HPSE2: variants seen among roughly 807,000 people sequenced by gnomAD.
HPSE2 encodes the protein heparanase 2 (inactive).
HPSE2 carries 38 observed loss-of-function variants against 60.5 expected under a neutral mutation model. The observed-to-expected ratio is 0.63, with a 90% CI of 0.48 to 0.82. The LOEUF (loss-of-function observed/expected upper bound fraction) is 0.82, where lower values mean the gene tolerates loss of function less well. HPSE2 is among the 40% of genes least tolerant of loss of function. The pLI is 0.00. For missense variants in HPSE2, 713 were observed against 740.4 expected (o/e 0.96, Z 0.43); for synonymous variants, 295 against 293.2 (o/e 1.01, Z -0.06).
At chr10:98,781,462 T>A (rs779288567) in intron 3 of HPSE2, among the ~76,000 whole-genome samples, 18 of 152,038 alleles carry the variant, frequency 1.2e-4, no homozygotes, top group Non-Finnish European at 2.2e-4. Context: ...AATAAATGTT[T>A]AAAACTTATA....
chr10:98,686,672 T>C (rs1238511441), intron 6 of HPSE2, among the ~76,000 whole-genome samples: 1 of 152,244 alleles, frequency 6.6e-6, no homozygotes, highest in African/African-American at 2.4e-5. Flanking sequence ...CCCAAGTAGC[T>C]GGGATTACAG....
chr10:99,169,110 G>A (rs984511075), intron 2 of HPSE2, among the ~76,000 whole-genome samples: 1 of 148,308 alleles, frequency 6.7e-6, no homozygotes, highest in African/African-American at 2.5e-5. Context: ...GGAGAATGGC[G>A]TGAACCCAGG....
At chr10:99,207,952 T>C (rs112535220) in intron 2 of HPSE2, among the ~76,000 whole-genome samples, 10 of 150,750 alleles carry the variant, frequency 6.6e-5, no homozygotes, top group Non-Finnish European at 1.5e-4. Flanking sequence ...TTAGGCACAG[T>C]AAGAGATTAA....
intron 4 of HPSE2, among the ~76,000 whole-genome samples, chr10:98,741,432 T>C (rs997585470): frequency 3.9e-5 from 6 of 152,096 alleles, no homozygotes; most frequent in African/African-American, 7.2e-5. Context: ...TTCTGAACTA[T>C]GTAGCACAGT....
At chr10:98,931,931 C>T (rs1427497528) in intron 3 of HPSE2, among the ~76,000 whole-genome samples, 2 of 143,736 alleles carry the variant, frequency 1.4e-5, no homozygotes, top group Non-Finnish European at 3.0e-5. Context: ...AATTTGACTT[C>T]CTCTCTTCCT....
intron 3 of HPSE2, among the ~76,000 whole-genome samples, chr10:98,972,191 T>C (rs1400264602): frequency 6.6e-6 from 1 of 152,136 alleles, no homozygotes; most frequent in East Asian, 1.9e-4. Context: ...TAGGGTTTTT[T>C]CCTAAGTAAA....
At chr10:98,899,447 C>A (rs1163940990) in intron 3 of HPSE2, among the ~76,000 whole-genome samples, 2 of 152,152 alleles carry the variant, frequency 1.3e-5, no homozygotes, top group East Asian at 3.9e-4. Flanking sequence ...ATGATATAAA[C>A]AACCCTTAAA....
At chr10:99,007,070 C>T (rs1956911404) in intron 3 of HPSE2, among the ~76,000 whole-genome samples, 1 of 152,092 alleles carries the variant, frequency 6.6e-6, no homozygotes, top group Non-Finnish European at 1.5e-5. Flanking sequence ...AGGCCTGAAG[C>T]CTGGGATTAT....
intron 2 of HPSE2, among the ~76,000 whole-genome samples, chr10:99,152,525 T>C (rs929605587): frequency 1.3e-5 from 2 of 152,026 alleles, no homozygotes; most frequent in Non-Finnish European, 2.9e-5. Context: ...AGATTATATA[T>C]AGAAGAAAAT....
intron 2 of HPSE2, among the ~76,000 whole-genome samples, chr10:99,148,765 G>A (rs549278917): frequency 2.3e-4 from 35 of 151,484 alleles, no homozygotes; most frequent in African/African-American, 7.5e-4. Context: ...ACTCCAGCCC[G>A]GGCAAAAAGA....
At chr10:98,623,551 G>A (rs1402480634) in intron 7 of HPSE2, among the ~76,000 whole-genome samples, 1 of 152,038 alleles carries the variant, frequency 6.6e-6, no homozygotes, top group Admixed American at 6.6e-5. Context: ...AAAAGGAGAG[G>A]TATAGTCTAA....
intron 10 of HPSE2, among the ~76,000 whole-genome samples, chr10:98,489,610 T>C (rs1941566576): frequency 6.6e-6 from 1 of 152,230 alleles, no homozygotes; most frequent in Non-Finnish European, 1.5e-5. Context: ...GCTAGGTTTC[T>C]AGCGGCATAT....
At chr10:98,703,055 G>T (rs573591055) in intron 5 of HPSE2, among the ~76,000 whole-genome samples, 11 of 151,916 alleles carry the variant, frequency 7.2e-5, no homozygotes, top group Admixed American at 7.2e-4. Context: ...TAATAAAGAA[G>T]AAAAGAGAGA....
chr10:98,635,650 C>T (rs1026025897), intron 7 of HPSE2, among the ~76,000 whole-genome samples: 12 of 152,062 alleles, frequency 7.9e-5, no homozygotes, highest in Middle Eastern at 6.8e-3. Flanking sequence ...GGTGTGGTAG[C>T]GTGGGCTTGT....
intron 11 of HPSE2, among the ~76,000 whole-genome samples, chr10:98,468,591 AT>A (rs1940652291): frequency 6.6e-6 from 1 of 151,760 alleles, no homozygotes; most frequent in South Asian, 2.1e-4. Context: ...TCTCAGGCTT[AT>A]TTTATCTGTG....
At chr10:99,068,492 C>G (rs912985298) in intron 3 of HPSE2, among the ~76,000 whole-genome samples, 1 of 152,286 alleles carries the variant, frequency 6.6e-6, no homozygotes, top group Admixed American at 6.5e-5. Context: ...GCCATCAGAT[C>G]TTGTGAGACT....
chr10:98,719,630 A>G (rs17110733), intron 5 of HPSE2, among the ~76,000 whole-genome samples: 5,729 of 148,974 alleles, frequency 0.038, 244 homozygotes, highest in East Asian at 0.17. Flanking sequence ...GCAGGCGCAG[A>G]CCCTAAACGT....
intron 3 of HPSE2, among the ~76,000 whole-genome samples, chr10:98,843,401 T>A (rs1317036243): frequency 1.3e-5 from 2 of 152,154 alleles, no homozygotes; most frequent in Non-Finnish European, 2.9e-5. Context: ...TGGTTGGTAT[T>A]AGGATAATCC....
chr10:98,706,989 A>T (rs1305216964), intron 5 of HPSE2, among the ~76,000 whole-genome samples: 1 of 152,162 alleles, frequency 6.6e-6, no homozygotes, highest in Non-Finnish European at 1.5e-5. Flanking sequence ...GATTCTCAGG[A>T]TCAGATTTGC....
Sources: allele counts gnomAD v4.1 joint callset (sites outside exome capture counted in the v4.1 genomes callset), GRCh38; gene constraint gnomAD v4.1.1; transcripts MANE v1.5; gene names NCBI Gene and HGNC (gene_info 2026-07-23, HGNC 2026-07-21).